The following RABL6 variants were observed in gnomAD, a reference collection of about 807,000 sequenced individuals.
RABL6 encodes the protein rab-like protein 6.
Under a neutral mutation model 72.9 loss-of-function variants are expected in RABL6, and 28 were observed. That is an observed-to-expected ratio of 0.38 (90% CI 0.28 to 0.53). The LOEUF is 0.53. Among genes scored for constraint, RABL6 ranks in the 20% least tolerant of loss-of-function variants. The pLI, the probability that RABL6 is intolerant of heterozygous loss-of-function variation, is 0.80. For synonymous variants in RABL6, 477 were observed against 421.2 expected, an observed-to-expected ratio of 1.13 and a Z score of -1.62; for missense variants, 1,029 against 1,008.4, an observed-to-expected ratio of 1.02 and a Z score of -0.28.
At chr9:136,837,830 G>C (rs548392085) in intron 9 of RABL6, 32 bp from the exon 10 acceptor site, 1 of 1,545,012 alleles carries the variant, frequency 6.5e-7, no homozygotes, top group Admixed American at 2.0e-5. Context: ...TTCTGGTGCC[G>C]AGTGAAGAGG....
At position 136,840,528 on chromosome 9, in the gene RABL6, C is replaced by T. The variant is rs773843525; in HGVS notation, c.*6C>T. On this transcript the variant is annotated 3_prime_UTR_variant, in exon 15 of 15. Transcript: ENST00000311502. ...GCGACTACGAGGAGCTCTAGGCCGG[C>T]GTGGGCAGTGGCCGCCCTGGGGCGG... is the stretch of plus-strand genomic sequence containing the variant. 2.8e-5 allele frequency: 43 copies of T among 1,542,486 alleles called. No homozygotes were observed. The highest frequency in any genetic ancestry group is 5.9e-5 in the Admixed American group (3 of 50,436).
At chr9:136,817,115 TAGTC>T (rs1467687941) in intron 1 of RABL6, among the ~76,000 whole-genome samples, 1 of 152,066 alleles carries the variant, frequency 6.6e-6, no homozygotes, top group African/African-American at 2.4e-5. Flanking sequence ...ATGAAAAACA[TAGTC>T]ATTAACGTTA....
chr9:136,837,875 C>T lies in RABL6; in HGVS notation c.1140C>T (p.Ala380=), dbSNP rs753209040. The T allele has an allele frequency of 3.0e-5, 46 of 1,549,616 alleles. No individual in the cohort carries two copies. The highest frequency in any genetic ancestry group is 4.8e-5 in the South Asian group (4 of 84,048). ...AAPPPPEPVP[A]AEGPATVQSV... is the part of the protein sequence containing the mutation. ...CACTGTTCACAGAGCCAGTCCCGGC[C>T]GCAGAGGGCCCAGCAACGGTCCAGA... Residue 380 remains alanine (A), a synonymous_variant, in exon 10 of 15, where the codon GCC becomes GCT. Transcript: ENST00000311502.
chr9:136,840,448 G>A lies in RABL6; in HGVS notation c.2116G>A (p.Glu706Lys). ...CAGCAGGGAGAGGACGGCTGCCGAT[G>A]AGCTGGAGGCTTTCCTGGGGGGCGG... ...PRSRERTAAD[E>K]LEAFLGGGAP... Residue 706 changes from glutamate (E) to lysine (K), a missense_variant, in exon 15 of 15, where the codon GAG becomes AAG. Physicochemically the swap from Glu to Lys is moderately conservative, Grantham distance 56. Coordinates refer to ENST00000311502, the MANE Select transcript of RABL6 (RefSeq NM_024718.5). The A allele has an allele frequency of 6.5e-7, 1 of 1,546,590 alleles. No individual in the cohort carries two copies. Among genetic ancestry groups the A allele is most frequent in the Non-Finnish European group, 8.7e-7 (1 of 1,145,678 alleles).
chr9:136,840,911 C>T lies in RABL6; in HGVS notation c.*389C>T. The T allele has an allele frequency of 6.7e-7, 1 of 1,491,880 alleles. No homozygotes were observed. Among genetic ancestry groups the T allele is most frequent in the Non-Finnish European group, 9.0e-7 (1 of 1,116,180 alleles). The allele number at this position is 1,491,880 out of a possible 1,614,324, so 92.4% of individuals were successfully genotyped here. A position where few individuals can be genotyped will look rare whatever the true frequency, so the allele number is the denominator to read the frequency against. On this transcript the variant is annotated 3_prime_UTR_variant, in exon 15 of 15. Transcript: ENST00000311502. ...CGCTGCCCCGGCACCTGCTTGCCCT[C>T]CGCGCTCATCTGGGGCCGCAGCATG...
At position 136,831,810 on chromosome 9, in the gene RABL6, A is replaced by G. The variant is rs1588366316; in HGVS notation, c.548A>G (p.His183Arg). Residue 183 changes from histidine (H) to arginine (R), a missense_variant, in exon 6 of 15, where the codon CAC becomes CGC. This residue lies in a region of RABL6 where 434 missense variants were observed against 536.1 expected (regional missense o/e 0.81). Coordinates refer to ENST00000311502, the MANE Select transcript of RABL6 (RefSeq NM_024718.5). ...VLGNYRDMGEHRVILPDDVRD... is the reference protein window; with the variant it reads ...VLGNYRDMGERRVILPDDVRD... ...GGAAACTACCGGGACATGGGCGAGC[A>G]CCGAGTCATCCTGCCGGACGACGTG... 1 of 1,613,112 alleles carries G rather than the reference A, an allele frequency of 6.2e-7. No homozygotes were observed. Among genetic ancestry groups the G allele is most frequent in the South Asian group, 1.1e-5 (1 of 91,062 alleles).
intron 7 of RABL6, 153 bp downstream of exon 7, chr9:136,832,523 A>T (rs540596992): frequency 1.4e-6 from 1 of 739,670 alleles, no homozygotes; most frequent in South Asian, 1.5e-5. Flanking sequence ...GTTCTACTGC[A>T]CCTGCCTGCT....
At chr9:136,821,928 G>A (rs1027377579) in intron 1 of RABL6, 2 of 1,287,970 alleles carry the variant, frequency 1.6e-6, no homozygotes, top group Non-Finnish European at 2.0e-6. Context: ...GTCCCCTCTG[G>A]AGGTTTTGCC....
At chr9:136,823,975 A>C (rs1281522458) in intron 2 of RABL6, among the ~76,000 whole-genome samples, 2 of 152,090 alleles carry the variant, frequency 1.3e-5, no homozygotes. Flanking sequence ...CCTTGCCTGC[A>C]CCCTCTTGGT....
rs1401930698 is a variant in RABL6, at chr9:136,831,740, C to T, written c.478C>T (p.Arg160Trp). 1.2e-5 allele frequency: 20 copies of T among 1,613,242 alleles called. No homozygotes were observed. Among genetic ancestry groups the T allele is most frequent in the African/African-American group, 2.7e-5 (2 of 74,908 alleles). The change falls in exon 6 of 15, where the codon CGG becomes TGG. Residue 160 changes from arginine to tryptophan, a missense_variant. This residue lies in a region of RABL6 where 434 missense variants were observed against 536.1 expected (regional missense o/e 0.81). Coordinates refer to ENST00000311502, the MANE Select transcript of RABL6 (RefSeq NM_024718.5). ...TKQWTFNYILRELPKVPTHVP... is the reference protein window; with the variant it reads ...TKQWTFNYILWELPKVPTHVP... ...TCCGAGGACCTTCAATTACATTCTCCGGGAGCTTCCAAAAGTGCCCACCCA... is the reference window on the plus strand; with the variant it reads ...TCCGAGGACCTTCAATTACATTCTCTGGGAGCTTCCAAAAGTGCCCACCCA...
chr9:136,841,000 G>T lies in RABL6; in HGVS notation c.*478G>T. ...GTGTGCAGACTCACCCTAAAGGGCG[G>T]CCCAGGCCCCACGCTAGAAGGCTGG... On this transcript the variant is annotated 3_prime_UTR_variant, in exon 15 of 15. Transcript: ENST00000311502. 1 of 1,441,388 alleles carries T rather than the reference G, an allele frequency of 6.9e-7. No individual in the cohort carries two copies. The allele number at this position is 1,441,388 out of a possible 1,614,324, so 89.3% of individuals were successfully genotyped here. A position where few individuals can be genotyped will look rare whatever the true frequency, so the allele number is the denominator to read the frequency against.
chr9:136,822,048 TG>T (rs1250619306), intron 1 of RABL6: 1 of 1,289,040 alleles, frequency 7.8e-7, no homozygotes, highest in Non-Finnish European at 1.0e-6. Context: ...GAAATGACTG[TG>T]GGAACAGGTG....
chr9:136,833,940 T>C (rs1467411720), intron 7 of RABL6: 2 of 1,548,062 alleles, frequency 1.3e-6, no homozygotes, highest in African/African-American at 1.4e-5. Context: ...TCCCCACTGC[T>C]CAGCTGCTCC....
chr9:136,821,915 T>C, intron 1 of RABL6: 1 of 1,285,266 alleles, frequency 7.8e-7, no homozygotes, highest in Non-Finnish European at 1.0e-6. Context: ...TGAGGGCGCC[T>C]GGGTCCCCTC....
At chr9:136,813,484 G>A (rs894501012) in intron 1 of RABL6, 19 of 490,752 alleles carry the variant, frequency 3.9e-5, no homozygotes, top group East Asian at 3.1e-4. Flanking sequence ...GAAATAGATC[G>A]GCCATCCATC....
chr9:136,840,132 ACTGT>A lies in RABL6; in HGVS notation c.1931-16_1931-13del, dbSNP rs745947645. The A allele has an allele frequency of 1.9e-6, 3 of 1,612,944 alleles. No individual in the cohort carries two copies. The highest frequency in any genetic ancestry group is 2.2e-5 in the South Asian group (2 of 91,078). On this transcript the variant is annotated intron_variant, in intron 13 of 14. Transcript: ENST00000311502. Reference sequence around the variant, plus strand: ...GTCCCCGTTGGCCTGAGTTTGAGCCACTGTCTGTCCTGTCTGTGCAGGTAAGGAG... The same window carrying A: ...GTCCCCGTTGGCCTGAGTTTGAGCCACTGTCCTGTCTGTGCAGGTAAGGAG...
chr9:136,840,118 C>T (rs185690875), intron 13 of RABL6, 36 bp from the exon 14 acceptor site: 2 of 1,612,772 alleles, frequency 1.2e-6, no homozygotes, highest in Non-Finnish European at 1.7e-6. Flanking sequence ...TCCCCGTTGG[C>T]CTGAGTTTGA....
intron 7 of RABL6, chr9:136,833,855 C>CCGGCACTGCTGGG (rs1280853022): frequency 5.2e-6 from 8 of 1,550,406 alleles, no homozygotes; most frequent in Non-Finnish European, 6.1e-6. Context: ...TTGTCCTGTG[C>CCGGCACTGCTGGG]CGGCACTGCT....
rs1376267665 is a variant in RABL6, at chr9:136,829,360, G to A, written c.367-33G>A. 4 of 1,525,544 alleles carry A rather than the reference G, an allele frequency of 2.6e-6. No homozygotes were observed. In the Admixed American group the frequency reaches 5.9e-5, roughly 22 times the overall value. The allele number at this position is 1,525,544 out of a possible 1,614,324, so 94.5% of individuals were successfully genotyped here. Reference sequence around the variant, plus strand: ...GCCACACGGGTGGGGCCCAGCCTGGGCCAGTCTCACACCTGTTCCCTCCTG... The same window carrying A: ...GCCACACGGGTGGGGCCCAGCCTGGACCAGTCTCACACCTGTTCCCTCCTG... On this transcript the variant is annotated intron_variant, in intron 4 of 14. Coordinates refer to ENST00000311502, the MANE Select transcript of RABL6 (RefSeq NM_024718.5).
Sources: allele counts gnomAD v4.1 joint callset (sites outside exome capture counted in the v4.1 genomes callset), GRCh38; gene constraint gnomAD v4.1.1; regional missense constraint gnomAD v4.1.1; transcripts MANE v1.5; gene names NCBI Gene and HGNC (gene_info 2026-07-23, HGNC 2026-07-21).